RAD54L2: variants seen among roughly 807,000 people sequenced by gnomAD.
RAD54L2 encodes the protein helicase ARIP4.
RAD54L2 carries 27 observed loss-of-function variants against 138.4 expected under a neutral mutation model. The observed-to-expected ratio is 0.20, with a 90% CI of 0.14 to 0.27. The LOEUF (loss-of-function observed/expected upper bound fraction) is 0.27. Ranked by LOEUF, RAD54L2 falls within the 10% of genes least tolerant of loss-of-function variation. The probability of loss-of-function intolerance (pLI) is 1.00; values close to 1 mark genes in which losing one functional copy is unlikely to be tolerated. For synonymous variants in RAD54L2, 644 were observed against 723.2 expected (o/e 0.89, Z 1.76); for missense variants, 1,396 against 1,890.2 (o/e 0.74, Z 4.85).
At position 51,665,429 on chromosome 3, in the gene RAD54L2, G is replaced by A. The variant is rs558488308; in HGVS notation, c.*2009G>A. ...GAGAAGAGACAAGGAGATGATGGAT[G>A]GGGTGCATGTGTATATGTGTGTTTG... On this transcript the variant is annotated 3_prime_UTR_variant, in exon 23 of 23. Coordinates refer to ENST00000684192, the MANE Select transcript of RAD54L2 (RefSeq NM_015106.4). The A allele has an allele frequency of 6.6e-6, 1 of 152,276 alleles. No individual in the cohort carries two copies. The highest frequency in any genetic ancestry group is 2.1e-4 in the South Asian group (1 of 4,824). 9.4% of individuals were successfully genotyped at this position (152,276 alleles called of 1,614,324 possible).
At chr3:51,623,072 C>T (rs1275291570) in intron 3 of RAD54L2, among the ~76,000 whole-genome samples, 1 of 152,226 alleles carries the variant, frequency 6.6e-6, no homozygotes, top group Non-Finnish European at 1.5e-5. Flanking sequence ...GGGCCTGGAA[C>T]CTAGCAGATG....
intron 3 of RAD54L2, among the ~76,000 whole-genome samples, chr3:51,607,799 C>T (rs540309534): frequency 6.2e-5 from 9 of 145,474 alleles, no homozygotes; most frequent in Non-Finnish European, 1.2e-4. Flanking sequence ...GGGGTGGCGG[C>T]CGGGCAGAGG....
intron 1 of RAD54L2, among the ~76,000 whole-genome samples, chr3:51,540,415 C>T (rs1698520653): frequency 6.6e-6 from 1 of 152,218 alleles, no homozygotes; most frequent in Non-Finnish European, 1.5e-5. Flanking sequence ...TTGGCCTGTA[C>T]ACTGTCTCCC....
At chr3:51,644,950 C>G in intron 16 of RAD54L2, 74 bp from the exon 17 acceptor site, 1 of 1,509,228 alleles carries the variant, frequency 6.6e-7, no homozygotes, top group Middle Eastern at 2.4e-4. Context: ...GGGTAGAAGT[C>G]ACAGAGGGCA....
At chr3:51,609,994 G>A (rs953627868) in intron 3 of RAD54L2, among the ~76,000 whole-genome samples, 1 of 151,924 alleles carries the variant, frequency 6.6e-6, no homozygotes, top group Non-Finnish European at 1.5e-5. Context: ...AAATTAGCCG[G>A]GCGTGGCGGC....
chr3:51,638,238 C>A lies in RAD54L2; in HGVS notation c.1777C>A (p.Gln593Lys). 6.2e-7 allele frequency: 1 copy of A among 1,614,004 alleles called. No homozygotes were observed. The highest frequency in any genetic ancestry group is 8.5e-7 in the Non-Finnish European group (1 of 1,179,874). ...LSKIQRDLYT[Q>K]FMDRFRDCGS... ...CAAGATCCAGCGAGATTTGTATACA[C>A]AGTTCATGGATCGCTTCCGGGACTG... The change falls in exon 12 of 23, where the codon CAG becomes AAG. Residue 593 changes from glutamine to lysine, a missense_variant. Gln to Lys is a moderately conservative substitution (Grantham distance 53, BLOSUM62 1). This residue lies in a region of RAD54L2 where 211 missense variants were observed against 273.8 expected (regional missense o/e 0.77). Transcript: ENST00000684192. This position sits in a 1 kb window ranked among gnomAD's most constrained non-coding sequence, Gnocchi z 4.3.
At chr3:51,605,380 C>T (rs1376724163) in intron 3 of RAD54L2, among the ~76,000 whole-genome samples, 1 of 151,522 alleles carries the variant, frequency 6.6e-6, no homozygotes, top group African/African-American at 2.4e-5. Context: ...TGAGCCACTG[C>T]ACCTGGCCTT....
At chr3:51,551,386 G>C (rs922558250) in intron 2 of RAD54L2, among the ~76,000 whole-genome samples, 1 of 151,864 alleles carries the variant, frequency 6.6e-6, no homozygotes, top group Non-Finnish European at 1.5e-5. Context: ...GCCTGTGTCG[G>C]CCTCCCAAAG....
chr3:51,601,703 C>T (rs1392680264), intron 3 of RAD54L2, among the ~76,000 whole-genome samples: 1 of 151,934 alleles, frequency 6.6e-6, no homozygotes, highest in Non-Finnish European at 1.5e-5. Flanking sequence ...CTCGGCCTCC[C>T]AAAGTGCTAG....
At chr3:51,607,179 A>G (rs1226194179) in intron 3 of RAD54L2, among the ~76,000 whole-genome samples, 2 of 149,426 alleles carry the variant, frequency 1.3e-5, no homozygotes, top group East Asian at 2.0e-4. Flanking sequence ...GGGTCATAGG[A>G]CAATAGTGGA....
At chr3:51,649,358 G>A (rs1701368973) in intron 19 of RAD54L2, among the ~76,000 whole-genome samples, 1 of 152,198 alleles carries the variant, frequency 6.6e-6, no homozygotes, top group Admixed American at 6.5e-5. Flanking sequence ...ATGGAACCAA[G>A]CTGGAAAACA....
In RAD54L2 at chr3:51,655,136, A is replaced by G. The variant is rs570242799; in HGVS notation, c.3027-835A>G. On this transcript the variant is annotated intron_variant, in intron 19 of 22. Coordinates refer to ENST00000684192, the MANE Select transcript of RAD54L2 (RefSeq NM_015106.4). ...CATCATGCAGACCAGCTCCAACAGC[A>G]GAGTGGTATAAAAGTGTTATTTTAT... Among the ~76,000 whole-genome samples, 5 of 152,330 alleles carry G rather than the reference A, an allele frequency of 3.3e-5. No individual in the cohort carries two copies. The South Asian group carries it at 1.0e-3, about 32-fold the overall frequency.
intron 21 of RAD54L2, among the ~76,000 whole-genome samples, chr3:51,658,913 GA>G (rs146687750): frequency 0.045 from 6,687 of 150,082 alleles, 237 homozygotes; most frequent in Non-Finnish European, 0.066. Flanking sequence ...CAATTGGTTG[GA>G]AAAAAAAATC....
chr3:51,643,046 T>C (rs2106821166), intron 15 of RAD54L2, among the ~76,000 whole-genome samples: 1 of 150,298 alleles, frequency 6.7e-6, no homozygotes, highest in South Asian at 2.1e-4. Flanking sequence ...TTTTTTTTTT[T>C]TTTTTTTGAG....
At chr3:51,624,671 G>A (rs1459397546) in intron 3 of RAD54L2, among the ~76,000 whole-genome samples, 1 of 152,122 alleles carries the variant, frequency 6.6e-6, no homozygotes, top group East Asian at 1.9e-4. Context: ...ATATAATAAC[G>A]GGCATAGCTG....
rs1428910772 is a variant in RAD54L2, at chr3:51,629,365, G to A, written c.373G>A (p.Val125Ile). ...ACTCCGGGAGGATCAATTGGAGCCTGTTACCAAAGCAGCACAGCAAGAAGA... is the reference window on the plus strand; with the variant it reads ...ACTCCGGGAGGATCAATTGGAGCCTATTACCAAAGCAGCACAGCAAGAAGA... ...KLLREDQLEP[V>I]TKAAQQEELE... The change falls in exon 5 of 23, where the codon GTT becomes ATT. Residue 125 changes from valine to isoleucine, a missense_variant. Transcript: ENST00000684192. 6.3e-7 allele frequency: 1 copy of A among 1,597,286 alleles called. No homozygotes were observed. Among genetic ancestry groups the A allele is most frequent in the East Asian group, 2.3e-5 (1 of 44,306 alleles).
chr3:51,656,482 C>T (rs1167175624), intron 20 of RAD54L2, among the ~76,000 whole-genome samples: 1 of 152,144 alleles, frequency 6.6e-6, no homozygotes, highest in African/African-American at 2.4e-5. Flanking sequence ...TGTGAATATG[C>T]TGAGCCCTGC....
intron 2 of RAD54L2, among the ~76,000 whole-genome samples, chr3:51,588,185 C>CAAAAAAAA (rs987919898): frequency 2.4e-4 from 3 of 12,714 alleles, no homozygotes; most frequent in African/African-American, 9.0e-4. Flanking sequence ...GACTCCATCT[C>CAAAAAAAA]AAAAAAAAAA....
At chr3:51,631,546 G>A (rs1340190106) in intron 7 of RAD54L2, among the ~76,000 whole-genome samples, 3 of 139,922 alleles carry the variant, frequency 2.1e-5, no homozygotes, top group East Asian at 2.1e-4. Flanking sequence ...GTTTCGCCAC[G>A]TTGCCCAAGC....
Sources: gnomAD v4.1 joint callset for allele counts (sites outside exome capture counted in the v4.1 genomes callset) on GRCh38, gnomAD v4.1.1 for gene constraint, gnomAD v4.1.1 regional missense constraint, Gnocchi (gnomAD v3.1) non-coding constraint, MANE v1.5 for transcripts, NCBI Gene and HGNC (gene_info 2026-07-23, HGNC 2026-07-21) for gene names.